The following ROBO2 variants were observed in gnomAD, a reference collection of about 807,000 sequenced individuals.
The protein encoded by ROBO2 is roundabout guidance receptor 2, also known as roundabout homolog 2.
A neutral mutation model predicts 160.8 loss-of-function variants in ROBO2; 53 were observed. That is an observed-to-expected ratio of 0.33 (90% CI 0.26 to 0.41). The LOEUF is 0.41. Ranked by LOEUF, ROBO2 falls within the 10% of genes least tolerant of loss-of-function variation. The pLI is 1.00. For synonymous variants in ROBO2, 664 were observed against 611.7 expected, an observed-to-expected ratio of 1.09 and a Z score of -1.26; for missense variants, 1,577 against 1,722.4, an observed-to-expected ratio of 0.92 and a Z score of 1.49.
intron 2 of ROBO2, among the ~76,000 whole-genome samples, chr3:76,600,428 G>A (rs2087050512): frequency 6.6e-6 from 1 of 152,206 alleles, no homozygotes; most frequent in African/African-American, 2.4e-5. Context: ...ACATGCAGGA[G>A]ACTGGGTAAT....
At position 77,442,079 on chromosome 3, in the gene ROBO2, T is replaced by G. The variant is rs560682771; in HGVS notation, c.389-35335T>G. 1.6e-4 allele frequency among the ~76,000 whole-genome samples: 25 copies of G among 152,172 alleles called. No individual in the cohort carries two copies. In the South Asian group the frequency reaches 4.4e-3, roughly 26 times the overall value. ...TATAATCCCAGCACTTTGGGAGGCCTAGGCAGGCGGATCACGAGGTCAGGA... is the reference window on the plus strand; with the variant it reads ...TATAATCCCAGCACTTTGGGAGGCCGAGGCAGGCGGATCACGAGGTCAGGA... On this transcript the variant is annotated intron_variant, in intron 2 of 25. Transcript: ENST00000461745.
chr3:77,199,568 T>A (rs181628125), intron 2 of ROBO2, among the ~76,000 whole-genome samples: 3 of 151,938 alleles, frequency 2.0e-5, no homozygotes, highest in Non-Finnish European at 4.4e-5. Context: ...CATCTATTCA[T>A]AGCGGACACT....
intron 2 of ROBO2, among the ~76,000 whole-genome samples, chr3:77,184,453 A>T (rs575639440): frequency 6.6e-6 from 1 of 152,134 alleles, no homozygotes; most frequent in South Asian, 2.1e-4. Context: ...AAAATATATG[A>T]TCCAGAAGTG....
chr3:76,426,475 A>G lies in ROBO2; in HGVS notation c.109+488873A>G, dbSNP rs185610519. On this transcript the variant is annotated intron_variant, in intron 2 of 26. Transcript: ENST00000487694. ...GCGTCCTACAGAGTTCATAGATGGT[A>G]AGGAAGGCATGACCACTGGGTCTAA... is the stretch of plus-strand genomic sequence containing the variant. Among the ~76,000 whole-genome samples the G allele has an allele frequency of 1.4e-3, 213 of 152,284 alleles. 1 individual carries two copies. The highest frequency in any genetic ancestry group is 2.5e-3 in the Non-Finnish European group (172 of 68,016).
intron 2 of ROBO2, among the ~76,000 whole-genome samples, chr3:76,461,050 T>C (rs963682832): frequency 6.6e-6 from 1 of 152,206 alleles, no homozygotes; most frequent in Non-Finnish European, 1.5e-5. Flanking sequence ...TGAGACTGGG[T>C]AATTTATAAA....
chr3:77,037,068 T>C (rs1333557682), upstream of ROBO2, among the ~76,000 whole-genome samples: 1 of 152,136 alleles, frequency 6.6e-6, no homozygotes, highest in African/African-American at 2.4e-5. Flanking sequence ...TCTCAGAAGG[T>C]AATGTCTTTG....
chr3:76,918,399 A>G (rs2076460183), intron 2 of ROBO2, among the ~76,000 whole-genome samples: 1 of 152,176 alleles, frequency 6.6e-6, no homozygotes, highest in Admixed American at 6.5e-5. Flanking sequence ...GCCATGCAGA[A>G]CTGAGTCAAT....
intron 2 of ROBO2, among the ~76,000 whole-genome samples, chr3:76,200,181 T>C (rs1478397721): frequency 1.3e-5 from 2 of 152,076 alleles, no homozygotes; most frequent in Admixed American, 6.6e-5. Context: ...CTCTGAATAG[T>C]TAGAATTGGA....
intron 2 of ROBO2, among the ~76,000 whole-genome samples, chr3:76,757,178 T>C (rs992133740): frequency 2.6e-5 from 4 of 151,778 alleles, no homozygotes; most frequent in African/African-American, 9.7e-5. Context: ...AAAATGGAGA[T>C]AGAGGTTATA....
intron 2 of ROBO2, among the ~76,000 whole-genome samples, chr3:76,786,469 A>G (rs1214243471): frequency 6.6e-6 from 1 of 151,320 alleles, no homozygotes; most frequent in Non-Finnish European, 1.5e-5. Flanking sequence ...AGGTGGTAGC[A>G]GAAAGAAGAG....
intron 2 of ROBO2, among the ~76,000 whole-genome samples, chr3:76,110,624 T>C (rs751266471): frequency 2.6e-5 from 4 of 152,110 alleles, no homozygotes; most frequent in Non-Finnish European, 5.9e-5. Flanking sequence ...CTATGGAATC[T>C]TGAAAGTCTA....
chr3:77,073,918 C>T (rs918392546), intron 1 of ROBO2, among the ~76,000 whole-genome samples: 2 of 152,000 alleles, frequency 1.3e-5, no homozygotes, highest in African/African-American at 4.8e-5. Flanking sequence ...GAAACATACA[C>T]AAAGAAAGGG....
At chr3:77,529,338 T>C (rs2091449458) in intron 6 of ROBO2, among the ~76,000 whole-genome samples, 1 of 151,600 alleles carries the variant, frequency 6.6e-6, no homozygotes, top group African/African-American at 2.4e-5. Context: ...GATATGAAAA[T>C]AGATGAATGA....
intron 2 of ROBO2, among the ~76,000 whole-genome samples, chr3:77,108,284 A>ATGTATACACATATGCATATATATATG (rs2073111926): frequency 7.9e-6 from 1 of 126,548 alleles, no homozygotes; most frequent in Non-Finnish European, 1.8e-5. Flanking sequence ...ATATATATAT[A>ATGTATACACATATGCATATATATATG]TGTATACACA....
intron 2 of ROBO2, among the ~76,000 whole-genome samples, chr3:76,297,676 G>A (rs1271923203): frequency 3.5e-5 from 2 of 57,324 alleles, no homozygotes; most frequent in African/African-American, 6.6e-5. Flanking sequence ...AAAGATCAAA[G>A]TACTTGGAGA....
At chr3:77,147,559 A>G (rs565277057) in intron 2 of ROBO2, among the ~76,000 whole-genome samples, 1 of 152,350 alleles carries the variant, frequency 6.6e-6, no homozygotes, top group African/African-American at 2.4e-5. Context: ...TATTACCACC[A>G]TAATACTGAA....
At chr3:76,432,689 C>T (rs1219660941) in intron 2 of ROBO2, among the ~76,000 whole-genome samples, 1 of 152,120 alleles carries the variant, frequency 6.6e-6, no homozygotes, top group Non-Finnish European at 1.5e-5. Flanking sequence ...CTTTAAAGAC[C>T]TTGCCTTGGA....
At chr3:77,614,743 AAC>A (rs773574922) in intron 21 of ROBO2, among the ~76,000 whole-genome samples, 3,401 of 151,852 alleles carry the variant, frequency 0.022, 89 homozygotes, top group East Asian at 0.13. Flanking sequence ...CCAACCAACC[AAC>A]CAACCAACCA....
intron 2 of ROBO2, among the ~76,000 whole-genome samples, chr3:76,479,694 C>T (rs115560406): frequency 3.5e-4 from 54 of 152,272 alleles, no homozygotes; most frequent in African/African-American, 1.3e-3. Context: ...ACAGAAAATA[C>T]AGGATGGAAT....
Sources: allele counts gnomAD v4.1 joint callset (sites outside exome capture counted in the v4.1 genomes callset), GRCh38; gene constraint gnomAD v4.1.1; transcripts MANE v1.5; gene names NCBI Gene and HGNC (gene_info 2026-07-23, HGNC 2026-07-21).